Variants in LDB2 observed in about 807,000 individuals in gnomAD.
The protein encoded by LDB2 is LIM domain-binding protein 2.
A neutral mutation model predicts 44.3 loss-of-function variants in LDB2; 12 were observed. That is an observed-to-expected ratio of 0.27 (90% CI 0.17 to 0.44). The LOEUF is 0.44. LDB2 is among the 20% of genes least tolerant of loss of function. The pLI is 1.00. For missense variants in LDB2, 344 were observed against 473.5 expected, an observed-to-expected ratio of 0.73 and a Z score of 2.54; for synonymous variants, 164 against 174.8, an observed-to-expected ratio of 0.94 and a Z score of 0.49.
intron 1 of LDB2, among the ~76,000 whole-genome samples, chr4:16,781,239 G>A (rs913328899): frequency 6.6e-6 from 1 of 152,296 alleles, no homozygotes; most frequent in East Asian, 1.9e-4. Context: ...AAAGGATGTG[G>A]GGCTAGGATC....
intron 5 of LDB2, among the ~76,000 whole-genome samples, chr4:16,555,189 G>A (rs1006275463): frequency 1.3e-5 from 2 of 151,568 alleles, no homozygotes; most frequent in African/African-American, 4.9e-5. Flanking sequence ...GATTCAATTG[G>A]TCTGGGATGT....
intron 1 of LDB2, among the ~76,000 whole-genome samples, chr4:16,776,993 A>T (rs1772065357): frequency 6.6e-6 from 1 of 152,218 alleles, no homozygotes; most frequent in Non-Finnish European, 1.5e-5. Context: ...CAGTTGTGAC[A>T]ACCAAAAATG....
At chr4:16,894,027 T>C (rs984917706) in intron 1 of LDB2, among the ~76,000 whole-genome samples, 126 of 152,264 alleles carry the variant, frequency 8.3e-4, no homozygotes, top group African/African-American at 2.9e-3. Flanking sequence ...TCTCATATAT[T>C]TTACCTATAT....
intron 2 of LDB2, among the ~76,000 whole-genome samples, chr4:16,680,402 C>A (rs1473888940): frequency 6.6e-6 from 1 of 152,148 alleles, no homozygotes; most frequent in Non-Finnish European, 1.5e-5. Context: ...ATCTCAAGAC[C>A]ACCTCTGGCA....
At chr4:16,741,083 T>A (rs939976548) in intron 2 of LDB2, among the ~76,000 whole-genome samples, 11 of 152,234 alleles carry the variant, frequency 7.2e-5, no homozygotes, top group African/African-American at 2.4e-4. Flanking sequence ...TTTTTCAAAT[T>A]CTGCTTTGCT....
chr4:16,505,766 G>C, intron 7 of LDB2: 1 of 1,435,896 alleles, frequency 7.0e-7, no homozygotes, highest in Non-Finnish European at 9.3e-7. Context: ...GCTCCTTGCT[G>C]GAAGCCCGGA....
chr4:16,686,501 A>G (rs886513531), intron 2 of LDB2, among the ~76,000 whole-genome samples: 4 of 152,238 alleles, frequency 2.6e-5, no homozygotes, highest in African/African-American at 9.6e-5. Context: ...TGTGACTCTC[A>G]AGAAATGATA....
rs532032664 is a variant in LDB2 at position 16,625,905 on chromosome 4, A to G, written c.236-30030T>C. On this transcript the variant is annotated intron_variant, in intron 2 of 7. Coordinates refer to ENST00000304523, the MANE Select transcript of LDB2 (RefSeq NM_001290.5). Reference sequence around the variant, plus strand: ...CTGTTCCAGAATTGCAGAATGCTCCAGTAAGAATGGTCTTCTTACTGGACC... The same window carrying G: ...CTGTTCCAGAATTGCAGAATGCTCCGGTAAGAATGGTCTTCTTACTGGACC... Among the ~76,000 whole-genome samples, 15 of 152,262 alleles carry G rather than the reference A, an allele frequency of 9.9e-5. 1 individual carries two copies. In the South Asian group the frequency reaches 3.1e-3, roughly 32 times the overall value.
intron 1 of LDB2, among the ~76,000 whole-genome samples, chr4:16,768,198 T>C (rs1579483362): frequency 6.6e-6 from 1 of 152,198 alleles, no homozygotes; most frequent in Non-Finnish European, 1.5e-5. Flanking sequence ...AATGTGTTTT[T>C]TTTTTATTAA....
intron 2 of LDB2, among the ~76,000 whole-genome samples, chr4:16,627,474 A>C (rs945899387): frequency 1.3e-5 from 2 of 152,150 alleles, no homozygotes; most frequent in African/African-American, 4.8e-5. Context: ...GAAAACTAAC[A>C]TTTATCATTA....
intron 1 of LDB2, among the ~76,000 whole-genome samples, chr4:16,822,351 A>C (rs1439769825): frequency 6.6e-6 from 1 of 152,176 alleles, no homozygotes; most frequent in African/African-American, 2.4e-5. Flanking sequence ...CAGAGGAAAG[A>C]AAGCATGTCA....
At chr4:16,858,601 C>T (rs1031563915) in intron 1 of LDB2, among the ~76,000 whole-genome samples, 5 of 152,170 alleles carry the variant, frequency 3.3e-5, no homozygotes, top group African/African-American at 1.2e-4. Context: ...GGCACCAGAC[C>T]CGGTCCTCGA....
At chr4:16,602,146 T>C (rs1722738494) in intron 2 of LDB2, among the ~76,000 whole-genome samples, 1 of 152,214 alleles carries the variant, frequency 6.6e-6, no homozygotes, top group Non-Finnish European at 1.5e-5. Flanking sequence ...ATTTCATATA[T>C]ACTTATTAGG....
intron 1 of LDB2, among the ~76,000 whole-genome samples, chr4:16,850,537 C>T (rs945531346): frequency 2.6e-5 from 4 of 152,142 alleles, no homozygotes; most frequent in Admixed American, 6.5e-5. Context: ...ACAAGGATGT[C>T]AGGTTTCCCA....
At chr4:16,824,578 CTT>C (rs1356054812) in intron 1 of LDB2, among the ~76,000 whole-genome samples, 1 of 152,222 alleles carries the variant, frequency 6.6e-6, no homozygotes, top group African/African-American at 2.4e-5. Context: ...ACTTAAGTGT[CTT>C]TGTCCAAGAG....
chr4:16,625,093 T>C (rs1219858612), intron 2 of LDB2, among the ~76,000 whole-genome samples: 1 of 152,108 alleles, frequency 6.6e-6, no homozygotes, highest in African/African-American at 2.4e-5. Context: ...TTACCTCTTT[T>C]GCCCCATCAC....
chr4:16,626,480 T>A (rs574350617), intron 2 of LDB2, among the ~76,000 whole-genome samples: 1 of 152,322 alleles, frequency 6.6e-6, no homozygotes, highest in African/African-American at 2.4e-5. Context: ...TGTCAACAAC[T>A]TTGAAAATAC....
rs190824775 is a variant in LDB2, at chr4:16,645,172, A to G, written c.236-49297T>C. On this transcript the variant is annotated intron_variant, in intron 2 of 7. Coordinates refer to ENST00000304523, the MANE Select transcript of LDB2 (RefSeq NM_001290.5). ...ATCAAGTCCCGAGGATTCTGACTCC[A>G]CTAATTCAGAGTCTAAGCTAATTCA... 5.6e-3 allele frequency among the ~76,000 whole-genome samples: 846 copies of G among 152,356 alleles called. 8 individuals carry two copies. The highest frequency in any genetic ancestry group is 0.02 in the African/African-American group (825 of 41,594).
chr4:16,515,705 A>G (rs1163384891), intron 5 of LDB2, among the ~76,000 whole-genome samples: 3 of 152,202 alleles, frequency 2.0e-5, no homozygotes, highest in African/African-American at 7.2e-5. Context: ...AATCTTTTCA[A>G]CATTTTCAAA....
Sources: gnomAD v4.1 joint callset for allele counts (sites outside exome capture counted in the v4.1 genomes callset) on GRCh38, gnomAD v4.1.1 for gene constraint, MANE v1.5 for transcripts, NCBI Gene and HGNC (gene_info 2026-07-23, HGNC 2026-07-21) for gene names.